The following UAP1 variants were observed in gnomAD, a reference collection of about 807,000 sequenced individuals.
The protein encoded by UAP1 is UDP-N-acetylglucosamine pyrophosphorylase 1.
Under a neutral mutation model 58.5 loss-of-function variants are expected in UAP1, and 25 were observed. The ratio of observed to expected loss-of-function variants is 0.43; its 90% CI spans 0.31 to 0.60. The LOEUF (loss-of-function observed/expected upper bound fraction) is 0.60. Among genes scored for constraint, UAP1 ranks in the 20% least tolerant of loss-of-function variants. UAP1 has a pLI of 0.11. For synonymous variants in UAP1, 208 were observed against 213.0 expected, an observed-to-expected ratio of 0.98 and a Z score of 0.21; for missense variants, 575 against 630.0, an observed-to-expected ratio of 0.91 and a Z score of 0.93.
At chr1:162,598,159 G>A (rs1386288856) in intron 10 of UAP1, among the ~76,000 whole-genome samples, 1 of 151,926 alleles carries the variant, frequency 6.6e-6, no homozygotes, top group African/African-American at 2.4e-5. Context: ...TTGAGCTCAG[G>A]AGTTTGAGAC....
At position 162,576,761 on chromosome 1, in the gene UAP1, G is replaced by C; in HGVS notation, c.281-16G>C. ...GAATTGTAGAGGTTTTGTGATACAA[G>C]TGTTTTCTTTTCTAGGACTTTTCCA... is the stretch of plus-strand genomic sequence containing the variant. On this transcript the variant is annotated splice_polypyrimidine_tract_variant and intron_variant, in intron 2 of 10. Transcript: ENST00000271469. The C allele has an allele frequency of 6.2e-7, 1 of 1,610,062 alleles. No individual in the cohort carries two copies. The highest frequency in any genetic ancestry group is 8.5e-7 in the Non-Finnish European group (1 of 1,177,290).
chr1:162,600,807 G>GTGA (rs1210726693), downstream of UAP1, among the ~76,000 whole-genome samples: 1 of 151,998 alleles, frequency 6.6e-6, no homozygotes, highest in African/African-American at 2.4e-5. Context: ...AAAAAGATTA[G>GTGA]TGAAGTTTGA....
exon 2 of UAP1, chr1:162,566,225 A>T: frequency 6.2e-7 from 1 of 1,614,172 alleles, no homozygotes; most frequent in Non-Finnish European, 8.5e-7. Context: ...CCAAAAGGCC[A>T]TTGAAGGTTT....
intron 8 of UAP1, 63 bp from the exon 9 acceptor site, chr1:162,592,669 C>A: frequency 7.7e-7 from 1 of 1,303,390 alleles, no homozygotes; most frequent in East Asian, 2.5e-5. Flanking sequence ...TTTTGCAACT[C>A]CATTTCATTG....
intron 10 of UAP1, among the ~76,000 whole-genome samples, 167 bp from the exon 11 acceptor site, chr1:162,599,104 C>G (rs1025587071): frequency 3.4e-4 from 51 of 151,342 alleles, no homozygotes; most frequent in Non-Finnish European, 6.5e-4. Flanking sequence ...TTTTACAAGT[C>G]AGTCATTAAG....
At chr1:162,579,737 G>T (rs1363417172) in intron 4 of UAP1, 134 bp downstream of exon 4, 1 of 787,962 alleles carries the variant, frequency 1.3e-6, no homozygotes, top group East Asian at 2.9e-5. Context: ...GCTTGGAAAT[G>T]ATTTAAAAAG....
intron 4 of UAP1, among the ~76,000 whole-genome samples, chr1:162,580,961 T>C (rs1654549365): frequency 6.6e-6 from 1 of 152,212 alleles, no homozygotes; most frequent in African/African-American, 2.4e-5. Context: ...TGAAATGTTA[T>C]GAAATAATCA....
chr1:162,586,586 T>G (rs1047815943), intron 5 of UAP1, among the ~76,000 whole-genome samples: 2 of 152,238 alleles, frequency 1.3e-5, no homozygotes, highest in African/African-American at 4.8e-5. Flanking sequence ...GATATTTATC[T>G]TATCTGAACC....
At chr1:162,565,211 T>C (rs141150713) in intron 1 of UAP1, among the ~76,000 whole-genome samples, 2 of 152,316 alleles carry the variant, frequency 1.3e-5, no homozygotes, top group East Asian at 3.9e-4. Flanking sequence ...GTTTGTGAAC[T>C]TTCTAGACAG....
intron 9 of UAP1, among the ~76,000 whole-genome samples, chr1:162,596,322 C>T (rs953523952): frequency 2.2e-4 from 33 of 151,306 alleles, no homozygotes; most frequent in African/African-American, 5.6e-4. Context: ...TTTACAGGTA[C>T]GCGCCACCAC....
chr1:162,580,470 A>G (rs902570435), intron 4 of UAP1, among the ~76,000 whole-genome samples: 1 of 152,224 alleles, frequency 6.6e-6, no homozygotes, highest in Admixed American at 6.5e-5. Context: ...AGAATTGGAC[A>G]GTGTATTGCC....
chr1:162,574,109 T>C (rs1654030816), intron 2 of UAP1, among the ~76,000 whole-genome samples: 2 of 151,120 alleles, frequency 1.3e-5, no homozygotes, highest in South Asian at 4.2e-4. Context: ...TTTTTTTTTT[T>C]TGAGACGGAG....
intron 5 of UAP1, 42 bp from the exon 6 acceptor site, chr1:162,587,433 T>G (rs776359728): frequency 1.3e-6 from 2 of 1,526,814 alleles, no homozygotes; most frequent in East Asian, 2.3e-5. Flanking sequence ...AAAGAAACAT[T>G]TAATTCAATT....
chr1:162,588,405 G>A lies in UAP1; in HGVS notation c.1029-288G>A, dbSNP rs181494993. ...TGTTTCATCCATAGTAACTTAATGC[G>A]TTTTTTAATGTACATATATACAGTT... is the stretch of plus-strand genomic sequence containing the variant. On this transcript the variant is annotated intron_variant, in intron 6 of 10. Coordinates refer to ENST00000271469, the Ensembl canonical transcript of UAP1. Among the ~76,000 whole-genome samples, 13 of 152,132 alleles carry A rather than the reference G, an allele frequency of 8.5e-5. No homozygotes were observed. The East Asian group carries it at 2.1e-3, about 25-fold the overall frequency.
At chr1:162,574,535 C>G (rs1654059653) in intron 2 of UAP1, among the ~76,000 whole-genome samples, 1 of 152,264 alleles carries the variant, frequency 6.6e-6, no homozygotes, top group Non-Finnish European at 1.5e-5. Context: ...GTTGCCATCA[C>G]TGACTGCGTC....
chr1:162,582,728 C>A (rs920791687), intron 5 of UAP1, among the ~76,000 whole-genome samples: 1 of 152,108 alleles, frequency 6.6e-6, no homozygotes, highest in Non-Finnish European at 1.5e-5. Flanking sequence ...AAAACAAATT[C>A]GATTTCAAAT....
chr1:162,572,366 C>T (rs1385956066), intron 2 of UAP1, among the ~76,000 whole-genome samples: 1 of 152,206 alleles, frequency 6.6e-6, no homozygotes, highest in Non-Finnish European at 1.5e-5. Flanking sequence ...TTATACAGGG[C>T]TATTTTCATA....
chr1:162,597,010 C>T (rs1655658394), intron 9 of UAP1, among the ~76,000 whole-genome samples: 1 of 152,202 alleles, frequency 6.6e-6, no homozygotes, highest in South Asian at 2.1e-4. Context: ...CGCTTGAGTG[C>T]ATTCTGCCTT....
chr1:162,598,089 G>A (rs1655716359), intron 10 of UAP1, among the ~76,000 whole-genome samples: 1 of 152,006 alleles, frequency 6.6e-6, no homozygotes, highest in Admixed American at 6.6e-5. Flanking sequence ...AAATAAGGTT[G>A]GGCACAGTGG....
Sources: gnomAD v4.1 joint callset for allele counts (sites outside exome capture counted in the v4.1 genomes callset) on GRCh38, gnomAD v4.1.1 for gene constraint, MANE v1.5 for transcripts, NCBI Gene and HGNC (gene_info 2026-07-23, HGNC 2026-07-21) for gene names.